CNTN3: variants seen among roughly 807,000 people sequenced by gnomAD.
CNTN3 encodes the protein contactin 3.
In CNTN3, 60 loss-of-function variants were observed where a neutral mutation model predicts 119.1. That is an observed-to-expected ratio of 0.50 (90% confidence interval 0.41 to 0.62). CNTN3 has a LOEUF of 0.62. Among genes scored for constraint, CNTN3 ranks in the 20% least tolerant of loss-of-function variants. The pLI is 0.00. For missense variants in CNTN3, 1,101 were observed against 1,242.4 expected (o/e 0.89, Z 1.71); for synonymous variants, 450 against 438.7 (o/e 1.03, Z -0.32).
chr3:74,384,585 C>T (rs1033042579), intron 5 of CNTN3, among the ~76,000 whole-genome samples: 1 of 152,108 alleles, frequency 6.6e-6, no homozygotes, highest in Non-Finnish European at 1.5e-5. Flanking sequence ...ATTTATTCTC[C>T]CTATTTTCCA....
At chr3:74,591,148 T>G (rs1704695862) in intron 1 of CNTN3, among the ~76,000 whole-genome samples, 1 of 151,952 alleles carries the variant, frequency 6.6e-6, no homozygotes, top group Admixed American at 6.6e-5. Context: ...GTCCCCGTAT[T>G]TCTACTTTTA....
rs1703223324 is a variant in CNTN3 at position 74,504,756 on chromosome 3, C to T, written c.56-4971G>A. ...CCTTTCACTGTGGAGACTGAAAGCTCCAGAGATACTTTCCACAACTCTTTG... is the reference window on the plus strand; with the variant it reads ...CCTTTCACTGTGGAGACTGAAAGCTTCAGAGATACTTTCCACAACTCTTTG... On this transcript the variant is annotated intron_variant, in intron 2 of 22. Transcript: ENST00000263665. 2.2e-5 allele frequency among the ~76,000 whole-genome samples: 3 copies of T among 135,586 alleles called. No individual in the cohort carries two copies. The South Asian group carries it at 7.0e-4, about 32-fold the overall frequency. 88.9% of individuals were successfully genotyped at this position (135,586 alleles called of 152,430 possible). A position where few individuals can be genotyped will look rare whatever the true frequency, so the allele number is the denominator to read the frequency against.
At chr3:74,314,255 C>T (rs939332085) in intron 13 of CNTN3, among the ~76,000 whole-genome samples, 6 of 151,928 alleles carry the variant, frequency 3.9e-5, no homozygotes, top group African/African-American at 1.5e-4. Context: ...GAACAAAGAA[C>T]AAGATTAAAA....
intron 6 of CNTN3, among the ~76,000 whole-genome samples, chr3:74,370,228 T>C (rs988541520): frequency 1.3e-5 from 2 of 152,028 alleles, no homozygotes; most frequent in African/African-American, 4.8e-5. Context: ...TAACAAAACA[T>C]CCAGAGCTTT....
At position 74,475,885 on chromosome 3, in the gene CNTN3, T is replaced by G. The variant is rs188261149; in HGVS notation, c.358+10571A>C. Among the ~76,000 whole-genome samples the G allele has an allele frequency of 3.3e-3, 510 of 152,294 alleles. 3 individuals are homozygous for G. The highest frequency in any genetic ancestry group is 4.9e-3 in the Non-Finnish European group (332 of 68,018). ...CCAGCCGAAGCTGACCAAAGTGACA[T>G]TCTGCCTTCTTGTTTCAGCTCTCAT... is the stretch of plus-strand genomic sequence containing the variant. On this transcript the variant is annotated intron_variant, in intron 4 of 22. Coordinates refer to ENST00000263665, the MANE Select transcript of CNTN3 (RefSeq NM_020872.3).
At chr3:74,548,149 AT>A (rs1703940285) in intron 1 of CNTN3, among the ~76,000 whole-genome samples, 1 of 152,122 alleles carries the variant, frequency 6.6e-6, no homozygotes, top group Admixed American at 6.5e-5. Context: ...CTAACTGTCT[AT>A]TTTTATAACA....
intron 18 of CNTN3, among the ~76,000 whole-genome samples, chr3:74,297,228 T>C (rs1290161661): frequency 2.0e-5 from 3 of 152,174 alleles, no homozygotes; most frequent in Non-Finnish European, 4.4e-5. Context: ...ATATTTTTAT[T>C]ACCCCAAGGT....
intron 5 of CNTN3, among the ~76,000 whole-genome samples, chr3:74,394,533 T>A (rs1437486916): frequency 2.0e-5 from 3 of 152,210 alleles, no homozygotes; most frequent in African/African-American, 7.2e-5. Flanking sequence ...AAAAACTCAC[T>A]ATGAAGATGA....
intron 4 of CNTN3, among the ~76,000 whole-genome samples, chr3:74,441,146 T>C (rs1043200143): frequency 2.6e-5 from 4 of 152,174 alleles, no homozygotes; most frequent in Non-Finnish European, 5.9e-5. Context: ...ATGTGACTCT[T>C]GATAGTTTTC....
At chr3:74,598,906 A>G (rs1247422029) in intron 1 of CNTN3, among the ~76,000 whole-genome samples, 1 of 152,068 alleles carries the variant, frequency 6.6e-6, no homozygotes. Flanking sequence ...AATATAATAC[A>G]GTATAATAAT....
intron 1 of CNTN3, among the ~76,000 whole-genome samples, chr3:74,571,401 T>C (rs978773769): frequency 2.0e-5 from 3 of 152,152 alleles, no homozygotes; most frequent in African/African-American, 7.2e-5. Context: ...TGGGCTTACA[T>C]GAAGGAGATT....
chr3:74,450,204 T>TA (rs1243826462), intron 4 of CNTN3, among the ~76,000 whole-genome samples: 2 of 152,094 alleles, frequency 1.3e-5, no homozygotes, highest in Admixed American at 6.6e-5. Context: ...TTGAAACATT[T>TA]AAAAAATACA....
chr3:74,607,172 A>C (rs1411105120), intron 1 of CNTN3, among the ~76,000 whole-genome samples: 1 of 151,676 alleles, frequency 6.6e-6, no homozygotes, highest in Non-Finnish European at 1.5e-5. Flanking sequence ...AGGGAGGTGC[A>C]GTCACACACA....
At chr3:74,480,043 T>C (rs1024542111) in intron 4 of CNTN3, among the ~76,000 whole-genome samples, 1 of 152,260 alleles carries the variant, frequency 6.6e-6, no homozygotes, top group South Asian at 2.1e-4. Flanking sequence ...CTGGATATCC[T>C]TTACAAAGTC....
intron 1 of CNTN3, among the ~76,000 whole-genome samples, chr3:74,573,201 T>C (rs1704361917): frequency 6.6e-6 from 1 of 151,782 alleles, no homozygotes; most frequent in Non-Finnish European, 1.5e-5. Context: ...GCCTAAATGA[T>C]CTAGGACACC....
chr3:74,436,113 G>A (rs1254908333), intron 4 of CNTN3, among the ~76,000 whole-genome samples: 5 of 152,128 alleles, frequency 3.3e-5, no homozygotes, highest in African/African-American at 1.2e-4. Flanking sequence ...CTAGGTTCAG[G>A]GTATTTGGAC....
chr3:74,492,595 C>T (rs1421746518), intron 3 of CNTN3, among the ~76,000 whole-genome samples: 1 of 152,136 alleles, frequency 6.6e-6, no homozygotes, highest in Non-Finnish European at 1.5e-5. Context: ...GCATAATATA[C>T]CTGACATAGG....
chr3:74,292,036 A>G (rs1575702407), intron 19 of CNTN3, among the ~76,000 whole-genome samples: 2 of 152,262 alleles, frequency 1.3e-5, no homozygotes, highest in African/African-American at 2.4e-5. Context: ...TCCTCCTGTG[A>G]CCCTCCAAGA....
chr3:74,493,389 T>G (rs1703002775), intron 3 of CNTN3, among the ~76,000 whole-genome samples: 1 of 152,162 alleles, frequency 6.6e-6, no homozygotes, highest in African/African-American at 2.4e-5. Context: ...ATAAAGCTAT[T>G]GTCTTTCAGA....
Sources: allele counts gnomAD v4.1 joint callset (sites outside exome capture counted in the v4.1 genomes callset), GRCh38; gene constraint gnomAD v4.1.1; transcripts MANE v1.5; gene names NCBI Gene and HGNC (gene_info 2026-07-23, HGNC 2026-07-21).